Variants in ATP8A2 observed in about 807,000 individuals in gnomAD.
ATP8A2 encodes the protein phospholipid-transporting ATPase IB.
A neutral mutation model predicts 165.6 loss-of-function variants in ATP8A2; 100 were observed. The observed-to-expected ratio is 0.60, with a 90% CI of 0.51 to 0.71. The LOEUF is 0.71. ATP8A2 is among the 30% of genes least tolerant of loss of function. ATP8A2 has a pLI of 0.00. For synonymous variants in ATP8A2, 543 were observed against 548.8 expected, an observed-to-expected ratio of 0.99 and a Z score of 0.15; for missense variants, 1,227 against 1,479.5, an observed-to-expected ratio of 0.83 and a Z score of 2.80.
intron 1 of ATP8A2, among the ~76,000 whole-genome samples, chr13:25,464,344 A>C (rs1234726681): frequency 2.0e-5 from 3 of 151,656 alleles, no homozygotes; most frequent in African/African-American, 7.3e-5. Context: ...AAGTTTATAG[A>C]ATGATCAAGT....
chr13:25,909,672 A>G (rs1033084212), intron 33 of ATP8A2, among the ~76,000 whole-genome samples: 4 of 152,176 alleles, frequency 2.6e-5, no homozygotes, highest in African/African-American at 9.7e-5. Context: ...AACCATTTTT[A>G]AGTGTACAAT....
chr13:25,990,204 A>C (rs905843620), intron 35 of ATP8A2, among the ~76,000 whole-genome samples: 1 of 142,070 alleles, frequency 7.0e-6, no homozygotes, highest in African/African-American at 2.6e-5. Context: ...TTCAACAAAT[A>C]GTTTTTGAGC....
chr13:25,473,618 T>C (rs563299715), intron 2 of ATP8A2, among the ~76,000 whole-genome samples: 6 of 152,168 alleles, frequency 3.9e-5, no homozygotes, highest in African/African-American at 1.2e-4. Context: ...ACAGTCAATT[T>C]TGGAACATTT....
At chr13:25,859,573 A>T (rs899867433) in intron 30 of ATP8A2, among the ~76,000 whole-genome samples, 4 of 151,982 alleles carry the variant, frequency 2.6e-5, no homozygotes, top group Admixed American at 2.6e-4. Flanking sequence ...GAAAAAAAAA[A>T]AAAGGAAAAT....
At chr13:25,634,284 C>T (rs2041317456) in intron 24 of ATP8A2, among the ~76,000 whole-genome samples, 1 of 152,038 alleles carries the variant, frequency 6.6e-6, no homozygotes, top group Non-Finnish European at 1.5e-5. Context: ...GAATTGAGCT[C>T]CTGATGGAGT....
intron 30 of ATP8A2, among the ~76,000 whole-genome samples, chr13:25,842,707 AAAGAAGGAAGGAAGGAAGGGAGGGAAAGG>A (rs1951772517): frequency 6.6e-6 from 1 of 151,292 alleles, no homozygotes; most frequent in Non-Finnish European, 1.5e-5. Context: ...AAAGAAAAGG[AAAGAAGGAAGGAAGGAAGGGAGGGAAAGG>A]AAGAAGGAAG....
rs113821126 is a variant in ATP8A2 at position 25,380,784 on chromosome 13, G to A, written c.76+8496G>A. On this transcript the variant is annotated intron_variant, in intron 1 of 36. Coordinates refer to ENST00000381655, the MANE Select transcript of ATP8A2 (RefSeq NM_016529.6). Reference sequence around the variant, plus strand: ...GGTCAACACCCCCATTGCTACACAGGGAAACCAAGGTCATGAAAGGTGAAG... The same window carrying A: ...GGTCAACACCCCCATTGCTACACAGAGAAACCAAGGTCATGAAAGGTGAAG... Among the ~76,000 whole-genome samples, 524 of 152,216 alleles carry A rather than the reference G, an allele frequency of 3.4e-3. 4 individuals carry two copies. The highest frequency in any genetic ancestry group is 0.012 in the African/African-American group (497 of 41,528).
intron 24 of ATP8A2, among the ~76,000 whole-genome samples, chr13:25,620,385 G>C (rs942052004): frequency 3.3e-5 from 5 of 152,114 alleles, no homozygotes; most frequent in African/African-American, 7.2e-5. Context: ...GAAGAATGGG[G>C]TTAAAATCAA....
chr13:25,754,941 T>C (rs1327058184), intron 25 of ATP8A2, among the ~76,000 whole-genome samples: 1 of 152,202 alleles, frequency 6.6e-6, no homozygotes, highest in Non-Finnish European at 1.5e-5. Flanking sequence ...ACACTGTTTC[T>C]AGACTTCCAC....
At chr13:25,968,538 T>C in intron 34 of ATP8A2, 37 bp from the exon 35 acceptor site, 1 of 1,574,204 alleles carries the variant, frequency 6.4e-7, no homozygotes, top group Non-Finnish European at 8.7e-7. Flanking sequence ...GTCAAGTCTC[T>C]ATGCCATGTT....
chr13:25,703,235 A>G (rs1424798659), intron 25 of ATP8A2, among the ~76,000 whole-genome samples: 2 of 151,924 alleles, frequency 1.3e-5, no homozygotes, highest in African/African-American at 4.8e-5. Context: ...GCACACCACT[A>G]TGCCCAACTA....
At chr13:25,804,248 A>G (rs752638056) in intron 27 of ATP8A2, among the ~76,000 whole-genome samples, 16 of 152,146 alleles carry the variant, frequency 1.1e-4, no homozygotes, top group Non-Finnish European at 2.1e-4. Context: ...ATATTAATGT[A>G]CAGTGGATTC....
chr13:25,500,674 G>A (rs755093097), intron 2 of ATP8A2, among the ~76,000 whole-genome samples: 8 of 152,092 alleles, frequency 5.3e-5, no homozygotes, highest in Non-Finnish European at 1.0e-4. Context: ...CAACCTCCAC[G>A]GCTCAGGTGA....
intron 1 of ATP8A2, among the ~76,000 whole-genome samples, chr13:25,452,426 A>G (rs990289209): frequency 7.2e-5 from 11 of 152,264 alleles, no homozygotes; most frequent in African/African-American, 2.6e-4. Flanking sequence ...TCCTTGTAAC[A>G]TTATGACTGT....
chr13:25,376,111 A>G (rs1233202148), intron 1 of ATP8A2, among the ~76,000 whole-genome samples: 1 of 4,094 alleles, frequency 2.4e-4, no homozygotes, highest in Non-Finnish European at 9.0e-4. Flanking sequence ...TCACTTTACA[A>G]ATGAAAAAAA....
At chr13:25,563,566 A>G (rs2039224859) in intron 15 of ATP8A2, among the ~76,000 whole-genome samples, 1 of 152,112 alleles carries the variant, frequency 6.6e-6, no homozygotes, top group Non-Finnish European at 1.5e-5. Flanking sequence ...GCCACAAATG[A>G]TTGCATGTAT....
At chr13:25,771,093 A>G (rs2044609522) in intron 26 of ATP8A2, among the ~76,000 whole-genome samples, 1 of 152,270 alleles carries the variant, frequency 6.6e-6, no homozygotes, top group Non-Finnish European at 1.5e-5. Context: ...TGAAAAGTGC[A>G]TGCAATCAAT....
intron 24 of ATP8A2, among the ~76,000 whole-genome samples, chr13:25,601,552 C>A (rs1385306735): frequency 6.6e-6 from 1 of 152,226 alleles, no homozygotes; most frequent in South Asian, 2.1e-4. Flanking sequence ...ACAACCTCTG[C>A]CTCCTGGGTT....
intron 2 of ATP8A2, among the ~76,000 whole-genome samples, chr13:25,512,894 G>T (rs1271663711): frequency 1.4e-5 from 2 of 144,058 alleles, no homozygotes; most frequent in African/African-American, 5.2e-5. Context: ...GGACGGGGTG[G>T]CTGGCCAGGC....
Sources: allele counts gnomAD v4.1 joint callset (sites outside exome capture counted in the v4.1 genomes callset), GRCh38; gene constraint gnomAD v4.1.1; transcripts MANE v1.5; gene names NCBI Gene and HGNC (gene_info 2026-07-23, HGNC 2026-07-21).